UMAD1: variants seen among roughly 807,000 people sequenced by gnomAD.
The protein encoded by UMAD1 is UBAP1-MVB12-associated (UMA) domain containing 1.
In UMAD1, 8 loss-of-function variants were observed where a neutral mutation model predicts 6.1. The ratio of observed to expected loss-of-function variants is 1.30; its 90% CI spans 0.76 to 2.35. UMAD1 has a LOEUF of 2.35. Ranked by LOEUF, UMAD1 falls within the 30% of genes most tolerant of loss-of-function variation. UMAD1 has a pLI of 0.00. For missense variants in UMAD1, 130 were observed against 78.4 expected (o/e 1.66, Z -2.49); for synonymous variants, 56 against 31.4 (o/e 1.78, Z -2.61).
intron 2 of UMAD1, among the ~76,000 whole-genome samples, chr7:7,701,694 C>G (rs1429134751): frequency 6.6e-6 from 1 of 152,082 alleles, no homozygotes. Context: ...AAGAGAATGA[C>G]AGGGTATTTA....
chr7:7,781,946 C>G (rs1158495693), intron 2 of UMAD1, among the ~76,000 whole-genome samples: 1 of 151,990 alleles, frequency 6.6e-6, no homozygotes, highest in African/African-American at 2.4e-5. Flanking sequence ...TATCAGTTCT[C>G]AACTATTTTC....
intron 3 of UMAD1, among the ~76,000 whole-genome samples, chr7:7,851,555 A>T (rs1449134822): frequency 1.3e-5 from 2 of 152,090 alleles, no homozygotes; most frequent in Non-Finnish European, 2.9e-5. Flanking sequence ...CCACATCCTG[A>T]CCAGAAGTTG....
intron 2 of UMAD1, chr7:7,687,095 A>T (rs138677893): frequency 6.6e-6 from 1 of 152,312 alleles, no homozygotes; most frequent in African/African-American, 2.4e-5. Context: ...CTGTTTGAGC[A>T]ACTATTTTAT....
intron 2 of UMAD1, among the ~76,000 whole-genome samples, chr7:7,780,851 A>G (rs964336060): frequency 6.6e-6 from 1 of 152,214 alleles, no homozygotes; most frequent in Non-Finnish European, 1.5e-5. Flanking sequence ...ATGCATTAAT[A>G]TGTTTTAAAA....
intron 2 of UMAD1, chr7:7,736,812 T>C (rs1781368867): frequency 6.6e-6 from 1 of 152,254 alleles, no homozygotes; most frequent in Non-Finnish European, 1.5e-5. Flanking sequence ...TTTTCCACAA[T>C]TCAGAAGACA....
chr7:7,800,648 A>G (rs1291996605), intron 2 of UMAD1, among the ~76,000 whole-genome samples: 1 of 152,172 alleles, frequency 6.6e-6, no homozygotes, highest in Non-Finnish European at 1.5e-5. Context: ...CAACAGGCTT[A>G]TATTAAATCC....
intron 2 of UMAD1, among the ~76,000 whole-genome samples, chr7:7,754,135 A>G (rs952666052): frequency 9.9e-5 from 15 of 152,144 alleles, no homozygotes; most frequent in African/African-American, 3.6e-4. Flanking sequence ...CAGTGAGCCA[A>G]GATTGCGCCA....
chr7:7,663,366 T>C (rs1281791687), intron 1 of UMAD1, among the ~76,000 whole-genome samples: 2 of 152,178 alleles, frequency 1.3e-5, no homozygotes, highest in Non-Finnish European at 2.9e-5. Context: ...ATCAATTTAA[T>C]TAATTAGTTT....
intron 3 of UMAD1, among the ~76,000 whole-genome samples, chr7:7,825,220 C>G (rs1430641910): frequency 6.6e-6 from 1 of 152,100 alleles, no homozygotes; most frequent in Non-Finnish European, 1.5e-5. Flanking sequence ...CCCTCAGGGC[C>G]TACCCATCAC....
In UMAD1 at chr7:7,731,491, CA is replaced by C. The variant is rs1554321025; in HGVS notation, c.82+58048del. Among the ~76,000 whole-genome samples the C allele has an allele frequency of 2.4e-3, 329 of 134,568 alleles. 11 individuals are homozygous for C. Among genetic ancestry groups the C allele is most frequent in the Non-Finnish European group, 3.2e-3 (201 of 62,352 alleles). The allele number at this position is 134,568 out of a possible 152,430, so 88.3% of individuals were successfully genotyped here. ...GAAAAGCAAACAAACAACCCCCCCC[CA>C]AAAAAAAAACACTTCTAGAGGTATT... On this transcript the variant is annotated intron_variant, in intron 2 of 3. Coordinates refer to ENST00000682710, the MANE Select transcript of UMAD1 (RefSeq NM_001302348.2).
intron 3 of UMAD1, among the ~76,000 whole-genome samples, chr7:7,855,802 A>G (rs910694196): frequency 1.3e-5 from 2 of 152,194 alleles, no homozygotes; most frequent in Admixed American, 6.5e-5. Context: ...ATCTGGATGC[A>G]TATTTTTCAA....
At chr7:7,797,715 G>A (rs1563214471) in intron 2 of UMAD1, among the ~76,000 whole-genome samples, 2 of 150,406 alleles carry the variant, frequency 1.3e-5, no homozygotes, top group African/African-American at 2.4e-5. Flanking sequence ...TTGAGACGAG[G>A]TCTCACTCTG....
chr7:7,876,487 C>T (rs975347081), intron 3 of UMAD1, among the ~76,000 whole-genome samples: 2 of 152,126 alleles, frequency 1.3e-5, no homozygotes, highest in Non-Finnish European at 2.9e-5. Flanking sequence ...GCAGGCCATT[C>T]ATCTTCATTG....
intron 1 of UMAD1, among the ~76,000 whole-genome samples, chr7:7,643,088 G>A (rs897994547): frequency 3.9e-5 from 6 of 152,128 alleles, no homozygotes; most frequent in Non-Finnish European, 5.9e-5. Context: ...AATGTTGGGG[G>A]ATGGTTTGGC....
chr7:7,716,947 C>T (rs188956094), intron 2 of UMAD1, among the ~76,000 whole-genome samples: 91 of 152,292 alleles, frequency 6.0e-4, no homozygotes, highest in African/African-American at 1.9e-3. Flanking sequence ...CAGACACCGC[C>T]TCCTATAAAA....
chr7:7,753,961 A>C (rs542672329), intron 2 of UMAD1, among the ~76,000 whole-genome samples: 1 of 152,220 alleles, frequency 6.6e-6, no homozygotes, highest in Admixed American at 6.5e-5. Flanking sequence ...AGACGGGTGG[A>C]TCACCTGAGG....
At chr7:7,726,404 AGTAGCTGGATT>A (rs1292908745) in intron 2 of UMAD1, among the ~76,000 whole-genome samples, 1 of 152,254 alleles carries the variant, frequency 6.6e-6, no homozygotes, top group African/African-American at 2.4e-5. Flanking sequence ...ATCATCCTGA[AGTAGCTGGATT>A]GATAGAATAA....
At chr7:7,817,179 T>G (rs6943254) in intron 3 of UMAD1, among the ~76,000 whole-genome samples, 96,561 of 151,998 alleles carry the variant, frequency 0.64, 31,215 homozygotes, top group Non-Finnish European at 0.69. Flanking sequence ...CAAATTCCTG[T>G]TCATCCTTCA....
At chr7:7,672,244 C>G (rs1779624488) in intron 1 of UMAD1, among the ~76,000 whole-genome samples, 1 of 152,148 alleles carries the variant, frequency 6.6e-6, no homozygotes, top group South Asian at 2.1e-4. Context: ...CCTCAGAATC[C>G]TATGTGTCCT....
Sources: allele counts gnomAD v4.1 joint callset (sites outside exome capture counted in the v4.1 genomes callset), GRCh38; gene constraint gnomAD v4.1.1; transcripts MANE v1.5; gene names NCBI Gene and HGNC (gene_info 2026-07-23, HGNC 2026-07-21).